TMEM132B: variants seen among roughly 807,000 people sequenced by gnomAD.
TMEM132B encodes transmembrane protein 132B.
In TMEM132B, 18 loss-of-function variants were observed where a neutral mutation model predicts 90.8. That is an observed-to-expected ratio of 0.20 (90% CI 0.14 to 0.29). The LOEUF (loss-of-function observed/expected upper bound fraction) is 0.29, where lower values mean the gene tolerates loss of function less well. Among genes scored for constraint, TMEM132B ranks in the 10% least tolerant of loss-of-function variants. The pLI is 1.00. For synonymous variants in TMEM132B, 504 were observed against 523.3 expected (o/e 0.96, Z 0.50); for missense variants, 1,096 against 1,326.8 (o/e 0.83, Z 2.70).
chr12:125,293,329 T>C (rs982868013), intron 1 of TMEM132B, among the ~76,000 whole-genome samples: 1 of 152,198 alleles, frequency 6.6e-6, no homozygotes, highest in Non-Finnish European at 1.5e-5. Flanking sequence ...ATTCAGGGGG[T>C]ACTTGTGCAG....
At chr12:125,274,936 T>TA (rs1174813710) in intron 1 of TMEM132B, among the ~76,000 whole-genome samples, 2 of 151,358 alleles carry the variant, frequency 1.3e-5, no homozygotes, top group Non-Finnish European at 2.9e-5. Context: ...TCCCAAAAAA[T>TA]AAAAAAAATA....
intron 1 of TMEM132B, among the ~76,000 whole-genome samples, chr12:125,263,709 C>T (rs560363516): frequency 1.3e-5 from 2 of 152,242 alleles, no homozygotes; most frequent in African/African-American, 4.8e-5. Flanking sequence ...TTCTCCAAAC[C>T]GGAAGTCAGA....
At chr12:125,588,044 C>G (rs1358848141) in intron 5 of TMEM132B, 1 of 152,084 alleles carries the variant, frequency 6.6e-6, no homozygotes, top group African/African-American at 2.4e-5. Context: ...TAGCTTTGTG[C>G]TTTTTAGATT....
intron 1 of TMEM132B, among the ~76,000 whole-genome samples, chr12:125,329,463 A>AAG (rs778128247): frequency 9.1e-4 from 139 of 152,314 alleles, no homozygotes; most frequent in Non-Finnish European, 1.6e-3. Context: ...CCAGCCAGGC[A>AAG]AGAGGCAGGC....
chr12:125,643,853 C>T (rs1886690118), intron 5 of TMEM132B, among the ~76,000 whole-genome samples: 1 of 152,132 alleles, frequency 6.6e-6, no homozygotes, highest in African/African-American at 2.4e-5. Flanking sequence ...AATGGTTTTA[C>T]TTGTCAGTAT....
intron 4 of TMEM132B, among the ~76,000 whole-genome samples, chr12:125,525,529 C>T (rs1883428652): frequency 6.6e-6 from 1 of 152,208 alleles, no homozygotes; most frequent in Non-Finnish European, 1.5e-5. Flanking sequence ...AGCAAAGAGA[C>T]CAGATCTTCA....
chr12:125,296,418 C>G (rs900248925), intron 1 of TMEM132B, among the ~76,000 whole-genome samples: 2 of 152,154 alleles, frequency 1.3e-5, no homozygotes, highest in Non-Finnish European at 2.9e-5. Flanking sequence ...GATGGCCTTC[C>G]GGGACCTCTC....
intron 2 of TMEM132B, among the ~76,000 whole-genome samples, chr12:125,384,974 C>G (rs1593116039): frequency 6.6e-6 from 1 of 152,136 alleles, no homozygotes; most frequent in Non-Finnish European, 1.5e-5. Context: ...TTGATCAACA[C>G]CTCTCCTTTC....
At chr12:125,412,693 G>T (rs975600340) in intron 2 of TMEM132B, among the ~76,000 whole-genome samples, 2 of 152,168 alleles carry the variant, frequency 1.3e-5, no homozygotes. Context: ...AGCAAGTACC[G>T]ATAGGAAGGA....
At chr12:125,351,812 A>G (rs533165801) in intron 2 of TMEM132B, among the ~76,000 whole-genome samples, 26 of 152,332 alleles carry the variant, frequency 1.7e-4, no homozygotes, top group African/African-American at 5.8e-4. Flanking sequence ...TGGTTTTTCA[A>G]TGGTTGGAAA....
intron 3 of TMEM132B, among the ~76,000 whole-genome samples, chr12:125,489,551 C>T (rs373850434): frequency 3.3e-5 from 5 of 151,990 alleles, no homozygotes; most frequent in African/African-American, 4.8e-5. Context: ...GGACTACAGA[C>T]GTATGCCACC....
chr12:125,265,438 C>T (rs1465095060), intron 1 of TMEM132B, among the ~76,000 whole-genome samples: 1 of 148,632 alleles, frequency 6.7e-6, no homozygotes, highest in Non-Finnish European at 1.5e-5. Flanking sequence ...TGAATGTGGT[C>T]TCTCTCTCTG....
intron 4 of TMEM132B, among the ~76,000 whole-genome samples, chr12:125,570,015 G>C (rs193020743): frequency 8.6e-5 from 13 of 152,028 alleles, no homozygotes; most frequent in African/African-American, 2.2e-4. Context: ...GATAGTGTTG[G>C]GGGGGAAGGG....
rs116676810 is a variant in TMEM132B at position 125,381,417 on chromosome 12, C to T, written c.959+31074C>T. On this transcript the variant is annotated intron_variant, in intron 2 of 8. Coordinates refer to ENST00000682704, the MANE Select transcript of TMEM132B (RefSeq NM_001366854.1). The stretch of plus-strand genomic sequence containing the variant: ...TGGGACGTCATACCACTGGGGTGCT[C>T]TCTTGGAACTGTGTACAAGGACCCT... Among the ~76,000 whole-genome samples the T allele has an allele frequency of 5.0e-3, 759 of 152,246 alleles. 4 individuals are homozygous for T. The highest frequency in any genetic ancestry group is 0.017 in the African/African-American group (725 of 41,544).
At chr12:125,488,603 T>C (rs1882264667) in intron 3 of TMEM132B, among the ~76,000 whole-genome samples, 1 of 152,194 alleles carries the variant, frequency 6.6e-6, no homozygotes, top group African/African-American at 2.4e-5. Flanking sequence ...CATGACTTGC[T>C]CCTCTTTGCC....
At chr12:125,346,532 A>T (rs2136228234) in intron 1 of TMEM132B, among the ~76,000 whole-genome samples, 1 of 152,314 alleles carries the variant, frequency 6.6e-6, no homozygotes, top group Non-Finnish European at 1.5e-5. Flanking sequence ...ATTCACCTGA[A>T]TTTCACTTCC....
chr12:125,589,947 G>A (rs112962818), intron 5 of TMEM132B, among the ~76,000 whole-genome samples: 2,147 of 152,198 alleles, frequency 0.014, 49 homozygotes, highest in African/African-American at 0.05. Context: ...CAGTGGTGGA[G>A]GTGGGGCCTG....
chr12:125,464,439 A>G (rs1881514136), intron 3 of TMEM132B, among the ~76,000 whole-genome samples: 1 of 152,154 alleles, frequency 6.6e-6, no homozygotes, highest in East Asian at 1.9e-4. Flanking sequence ...AAACTGCTTT[A>G]GGCCCTCTCT....
intron 2 of TMEM132B, among the ~76,000 whole-genome samples, chr12:125,414,119 T>C (rs987707976): frequency 2.0e-5 from 3 of 152,230 alleles, no homozygotes; most frequent in Admixed American, 6.5e-5. Flanking sequence ...TTCATGTGTT[T>C]ATTGGCCACT....
Sources: gnomAD v4.1 joint callset for allele counts (sites outside exome capture counted in the v4.1 genomes callset) on GRCh38, gnomAD v4.1.1 for gene constraint, MANE v1.5 for transcripts, NCBI Gene and HGNC (gene_info 2026-07-23, HGNC 2026-07-21) for gene names.